Variants in PSD3 observed in about 807,000 individuals in gnomAD.
The protein encoded by PSD3 is PH and SEC7 domain-containing protein 3.
Under a neutral mutation model 105.5 loss-of-function variants are expected in PSD3, and 49 were observed. The ratio of observed to expected loss-of-function variants is 0.46; its 90% CI spans 0.37 to 0.59. PSD3 has a LOEUF of 0.59. Among genes scored for constraint, PSD3 ranks in the 20% least tolerant of loss-of-function variants. The pLI is 0.00. For missense variants in PSD3, 1,561 were observed against 1,263.8 expected (o/e 1.24, Z -3.57); for synonymous variants, 557 against 457.8 (o/e 1.22, Z -2.77).
At chr8:18,871,119 C>G (rs1817317906) in intron 3 of PSD3, among the ~76,000 whole-genome samples, 1 of 152,132 alleles carries the variant, frequency 6.6e-6, no homozygotes, top group African/African-American at 2.4e-5. Flanking sequence ...AATAAACAAA[C>G]AAACATAGGA....
intron 1 of PSD3, among the ~76,000 whole-genome samples, chr8:18,947,098 A>C (rs929762550): frequency 3.5e-4 from 54 of 152,152 alleles, no homozygotes; most frequent in African/African-American, 1.3e-3. Flanking sequence ...AACTGGATAG[A>C]TATTCCAAAA....
At position 18,528,132 on chromosome 8, in the gene PSD3, G is replaced by A. The variant is rs887447449; in HGVS notation, c.*7611C>T. Reference sequence around the variant, plus strand: ...TCAAGGCTGACAATATAAATTCTCCGCTAGTGTACATTTAGAAATGGGTTC... The same window carrying A: ...TCAAGGCTGACAATATAAATTCTCCACTAGTGTACATTTAGAAATGGGTTC... On this transcript the variant is annotated 3_prime_UTR_variant, in exon 16 of 16. Coordinates refer to ENST00000327040, the MANE Select transcript of PSD3 (RefSeq NM_015310.4). The A allele has an allele frequency of 2.0e-5, 3 of 152,126 alleles. No individual in the cohort carries two copies. Among genetic ancestry groups the A allele is most frequent in the African/African-American group, 7.2e-5 (3 of 41,434 alleles). The allele number at this position is 152,126 out of a possible 1,614,324, so 9.4% of individuals were successfully genotyped here. A position where few individuals can be genotyped will look rare whatever the true frequency, so the allele number is the denominator to read the frequency against.
intron 4 of PSD3, among the ~76,000 whole-genome samples, chr8:18,845,694 T>TC (rs1563338609): frequency 6.6e-6 from 1 of 151,998 alleles, no homozygotes; most frequent in African/African-American, 2.4e-5. Context: ...CCCAACACTT[T>TC]GAGAGGGCAA....
At chr8:18,996,276 G>A (rs1826076176) in intron 1 of PSD3, among the ~76,000 whole-genome samples, 1 of 151,888 alleles carries the variant, frequency 6.6e-6, no homozygotes, top group South Asian at 2.1e-4. Flanking sequence ...CTGTGCCTCA[G>A]ATGAGAGCTA....
intron 4 of PSD3, among the ~76,000 whole-genome samples, chr8:18,832,754 A>C (rs1439579602): frequency 6.6e-6 from 1 of 152,186 alleles, no homozygotes; most frequent in Non-Finnish European, 1.5e-5. Context: ...GGAGGAGCAA[A>C]GGCATGTCTT....
Position 18,632,682 on chromosome 8 carries a change from G to C in PSD3, c.2341C>G (p.Pro781Ala), listed in dbSNP as rs1806985490. The C allele has an allele frequency of 6.2e-7, 1 of 1,612,708 alleles. No individual in the cohort carries two copies. The highest frequency in any genetic ancestry group is 8.5e-7 in the Non-Finnish European group (1 of 1,179,120). Reference protein sequence around the residue: ...TNPFLDIPHDPNAAVYKSGFL... With the variant: ...TNPFLDIPHDANAAVYKSGFL... ...CCACTTTTGTACACAGCAGCATTTG[G>C]ATCATGAGGAATGTCCAAAAATGGG... is the stretch of plus-strand genomic sequence containing the variant. The change falls in exon 11 of 16, where the codon CCA becomes GCA. Residue 781 changes from proline to alanine, a missense_variant. Physicochemically the swap from Pro to Ala is conservative, Grantham distance 27. Coordinates refer to ENST00000327040, the MANE Select transcript of PSD3 (RefSeq NM_015310.4).
chr8:18,793,908 T>C (rs1302671131), intron 8 of PSD3, among the ~76,000 whole-genome samples: 3 of 152,240 alleles, frequency 2.0e-5, no homozygotes, highest in South Asian at 2.1e-4. Flanking sequence ...AAGTCTGTGA[T>C]GTTTTTGACA....
At position 18,765,561 on chromosome 8, in the gene PSD3, A is replaced by T. The variant is rs530436154; in HGVS notation, c.2083-23T>A. On this transcript the variant is annotated intron_variant, in intron 8 of 15. Coordinates refer to ENST00000327040, the MANE Select transcript of PSD3 (RefSeq NM_015310.4). ...ATTCTGAAACAGAGGCAAACAGTAC[A>T]TCACTATGACATTCATGGAATTAAG... is the stretch of plus-strand genomic sequence containing the variant. 1.8e-5 allele frequency: 27 copies of T among 1,491,072 alleles called. No homozygotes were observed. The South Asian group carries it at 2.9e-4, about 16-fold the overall frequency. The allele number at this position is 1,491,072 out of a possible 1,614,324, so 92.4% of individuals were successfully genotyped here.
chr8:18,545,819 C>G (rs1363744130), intron 15 of PSD3, among the ~76,000 whole-genome samples: 1 of 152,184 alleles, frequency 6.6e-6, no homozygotes, highest in Non-Finnish European at 1.5e-5. Flanking sequence ...GTGTGTCACA[C>G]TCACAGCTCC....
intron 12 of PSD3, among the ~76,000 whole-genome samples, chr8:18,596,260 A>G (rs571758022): frequency 2.0e-5 from 3 of 152,214 alleles, no homozygotes; most frequent in African/African-American, 7.2e-5. Flanking sequence ...AAGCAGTACC[A>G]ATAGGCAAGT....
chr8:19,025,698 T>A (rs1235062980), intron 1 of PSD3, among the ~76,000 whole-genome samples: 2 of 152,204 alleles, frequency 1.3e-5, no homozygotes, highest in Non-Finnish European at 2.9e-5. Context: ...GGGGAAAGTC[T>A]TGTGGGATTT....
chr8:18,620,511 G>A (rs1806037997), intron 11 of PSD3, among the ~76,000 whole-genome samples: 2 of 151,774 alleles, frequency 1.3e-5, no homozygotes, highest in African/African-American at 4.8e-5. Flanking sequence ...GTAGTTTGAG[G>A]CCAGCCTGGG....
chr8:18,888,300 G>A (rs1370721123), intron 2 of PSD3, among the ~76,000 whole-genome samples: 1 of 152,168 alleles, frequency 6.6e-6, no homozygotes, highest in African/African-American at 2.4e-5. Context: ...ATGACCTTGG[G>A]CCAATGCCTT....
At chr8:18,852,312 T>G (rs1182934718) in intron 4 of PSD3, among the ~76,000 whole-genome samples, 2 of 152,160 alleles carry the variant, frequency 1.3e-5, no homozygotes, top group Non-Finnish European at 2.9e-5. Flanking sequence ...TTCACACAGC[T>G]GCACAGCTAC....
At chr8:19,002,289 G>A (rs183682022) in intron 1 of PSD3, among the ~76,000 whole-genome samples, 4 of 152,072 alleles carry the variant, frequency 2.6e-5, no homozygotes, top group Admixed American at 1.3e-4. Context: ...CAACTCCCCC[G>A]TCTTCCTTGT....
chr8:18,931,366 G>A (rs991742836), intron 2 of PSD3, among the ~76,000 whole-genome samples: 5 of 151,758 alleles, frequency 3.3e-5, no homozygotes, highest in Admixed American at 6.6e-5. Flanking sequence ...ACTGACATGA[G>A]ACACTTCTTA....
chr8:19,049,811 G>T (rs1020470105), intron 1 of PSD3, among the ~76,000 whole-genome samples: 1 of 151,644 alleles, frequency 6.6e-6, no homozygotes, highest in Admixed American at 6.6e-5. Context: ...GCATTGATTA[G>T]TGAGACACAG....
rs142741736 is a variant in PSD3, at chr8:18,759,706, T to C, written c.2172+5743A>G. Among the ~76,000 whole-genome samples, 304 of 152,210 alleles carry C rather than the reference T, an allele frequency of 2.0e-3. 1 individual carries two copies. Among genetic ancestry groups the C allele is most frequent in the African/African-American group, 6.8e-3 (281 of 41,528 alleles). ...GTTCATGTCATATCAAAATCTACAGTCTAGATGTCTCTTCAGAATGAAATT... is the reference window on the plus strand; with the variant it reads ...GTTCATGTCATATCAAAATCTACAGCCTAGATGTCTCTTCAGAATGAAATT... On this transcript the variant is annotated intron_variant, in intron 9 of 15. Transcript: ENST00000327040.
chr8:18,738,307 G>C (rs906874793), intron 9 of PSD3, among the ~76,000 whole-genome samples: 21 of 151,948 alleles, frequency 1.4e-4, no homozygotes, highest in Non-Finnish European at 2.9e-5. Context: ...CACTAATTAG[G>C]GCCTTAAACA....
Sources: allele counts gnomAD v4.1 joint callset (sites outside exome capture counted in the v4.1 genomes callset), GRCh38; gene constraint gnomAD v4.1.1; transcripts MANE v1.5; gene names NCBI Gene and HGNC (gene_info 2026-07-23, HGNC 2026-07-21).